Variants in CLEC16A observed in about 807,000 individuals in gnomAD.
The protein encoded by CLEC16A is C-type lectin domain containing 16A.
CLEC16A carries 51 observed loss-of-function variants against 109.5 expected under a neutral mutation model. The ratio of observed to expected loss-of-function variants is 0.47; its 90% CI spans 0.37 to 0.59. The LOEUF is 0.59. Ranked by LOEUF, CLEC16A falls within the 20% of genes least tolerant of loss-of-function variation. The pLI is 0.00. For missense variants in CLEC16A, 1,339 were observed against 1,394.0 expected (o/e 0.96, Z 0.63); for synonymous variants, 673 against 564.2 (o/e 1.19, Z -2.73).
intron 22 of CLEC16A, among the ~76,000 whole-genome samples, chr16:11,141,403 CA>C (rs757665211): frequency 2.6e-5 from 4 of 152,180 alleles, no homozygotes; most frequent in Non-Finnish European, 4.4e-5. Flanking sequence ...ACCATGGGGC[CA>C]GGGGGATACC....
At chr16:11,055,339 A>C (rs2048154967) in intron 18 of CLEC16A, among the ~76,000 whole-genome samples, 1 of 152,144 alleles carries the variant, frequency 6.6e-6, no homozygotes, top group Non-Finnish European at 1.5e-5. Flanking sequence ...TGCAGAGTTG[A>C]CATCTGAGCT....
rs140782653 is a variant in CLEC16A at position 10,960,773 on chromosome 16, A to G, written c.210-1682A>G. Among the ~76,000 whole-genome samples, 14 of 152,284 alleles carry G rather than the reference A, an allele frequency of 9.2e-5. No homozygotes were observed. The East Asian group carries it at 2.7e-3, about 29-fold the overall frequency. ...TTTATGCAGTCATTTGCTTATATTAATATGGACTCGTGGATATTTATTTAT... is the reference window on the plus strand; with the variant it reads ...TTTATGCAGTCATTTGCTTATATTAGTATGGACTCGTGGATATTTATTTAT... On this transcript the variant is annotated intron_variant, in intron 2 of 23. Transcript: ENST00000409790.
At chr16:11,131,521 G>A (rs760829436) in intron 22 of CLEC16A, among the ~76,000 whole-genome samples, 54 of 152,218 alleles carry the variant, frequency 3.5e-4, no homozygotes, top group Non-Finnish European at 6.3e-4. Context: ...ACCCTGGTGG[G>A]TTGGTGGGTG....
Position 11,096,804 on chromosome 16 carries a change from G to T in CLEC16A, c.2117-23811G>T, listed in dbSNP as rs192331034. On this transcript the variant is annotated intron_variant, in intron 19 of 23. Transcript: ENST00000409790. The stretch of plus-strand genomic sequence containing the variant: ...ATATTTTGTCCATGTACGTAATCAT[G>T]TCTTCTATGAAAGATGATGCTGATT... Among the ~76,000 whole-genome samples, 6 of 152,278 alleles carry T rather than the reference G, an allele frequency of 3.9e-5. No homozygotes were observed. In the East Asian group the frequency reaches 1.2e-3, roughly 29 times the overall value.
At chr16:11,037,508 CAAGAA>C (rs1025183235) in intron 13 of CLEC16A, among the ~76,000 whole-genome samples, 1 of 152,192 alleles carries the variant, frequency 6.6e-6, no homozygotes, top group Admixed American at 6.5e-5. Flanking sequence ...TTCTTCCTGT[CAAGAA>C]AAGAGCTTGC....
chr16:10,963,062 ACAAC>A (rs2042329977), intron 3 of CLEC16A, among the ~76,000 whole-genome samples: 1 of 151,572 alleles, frequency 6.6e-6, no homozygotes, highest in Non-Finnish European at 1.5e-5. Context: ...GTCTCCAACA[ACAAC>A]AAAAAAAAAA....
intron 1 of CLEC16A, among the ~76,000 whole-genome samples, chr16:10,957,135 G>T (rs1223872711): frequency 6.6e-6 from 1 of 152,170 alleles, no homozygotes; most frequent in African/African-American, 2.4e-5. Flanking sequence ...TCTGTTCTCA[G>T]CAAATAAGAC....
chr16:10,975,494 G>C (rs1361490045), intron 7 of CLEC16A, among the ~76,000 whole-genome samples: 2 of 152,148 alleles, frequency 1.3e-5, no homozygotes. Flanking sequence ...TATACCATTA[G>C]AGAAAATGTT....
At chr16:11,073,804 A>C (rs2049200709) in intron 19 of CLEC16A, among the ~76,000 whole-genome samples, 1 of 152,256 alleles carries the variant, frequency 6.6e-6, no homozygotes. Context: ...CACATAGTAG[A>C]CACTCAAGGC....
At chr16:11,135,172 T>C (rs892049510) in intron 22 of CLEC16A, among the ~76,000 whole-genome samples, 2 of 152,220 alleles carry the variant, frequency 1.3e-5, no homozygotes, top group African/African-American at 4.8e-5. Flanking sequence ...GAGATCAGCC[T>C]TCAAGTGGTG....
intron 22 of CLEC16A, among the ~76,000 whole-genome samples, chr16:11,153,189 G>A (rs937773731): frequency 4.6e-5 from 7 of 152,156 alleles, no homozygotes; most frequent in African/African-American, 1.7e-4. Flanking sequence ...CTTCCTGGAT[G>A]GGTTCTGTAA....
At chr16:11,035,015 C>T (rs938821035) in intron 13 of CLEC16A, among the ~76,000 whole-genome samples, 4 of 152,146 alleles carry the variant, frequency 2.6e-5, no homozygotes, top group African/African-American at 9.7e-5. Context: ...TGACATTGAC[C>T]TTAGCCACTC....
intron 19 of CLEC16A, among the ~76,000 whole-genome samples, chr16:11,065,599 A>G (rs1339474170): frequency 2.0e-5 from 3 of 152,232 alleles, no homozygotes; most frequent in Non-Finnish European, 4.4e-5. Context: ...AGGTAGGTTA[A>G]GTAAATGCAT....
chr16:10,947,107 G>A (rs917441653), intron 1 of CLEC16A, among the ~76,000 whole-genome samples: 1 of 152,230 alleles, frequency 6.6e-6, no homozygotes, highest in African/African-American at 2.4e-5. Context: ...ATGTCTATCG[G>A]ATGCTTCTTT....
intron 11 of CLEC16A, among the ~76,000 whole-genome samples, chr16:11,019,094 T>A (rs1169220228): frequency 1.3e-5 from 2 of 152,120 alleles, no homozygotes; most frequent in Admixed American, 1.3e-4. Context: ...TTCACATCCC[T>A]CTGGAAACAG....
intron 15 of CLEC16A, 135 bp downstream of exon 15, chr16:11,042,498 C>T: frequency 1.6e-6 from 1 of 629,468 alleles, no homozygotes; most frequent in South Asian, 2.0e-5. Flanking sequence ...GCAGGGGCTG[C>T]TCTCTTGAGA....
At chr16:11,064,592 C>T (rs1366654806) in intron 19 of CLEC16A, among the ~76,000 whole-genome samples, 9 of 152,096 alleles carry the variant, frequency 5.9e-5, no homozygotes, top group African/African-American at 1.4e-4. Flanking sequence ...GCCTGAGCAA[C>T]GTAGTGAGAC....
chr16:10,957,863 C>T lies in CLEC16A; in HGVS notation c.162C>T (p.Ile54=). ...TGCTAGTGGAGACCATCCGTTCCAT[C>T]ACTGAGATCCTGATCTGGGGAGATC... ...RNLLVETIRS[I]TEILIWGDQN... The change falls in exon 2 of 24, where the codon ATC becomes ATT. Residue 54 remains isoleucine, a synonymous_variant. Coordinates refer to ENST00000409790, the MANE Select transcript of CLEC16A (RefSeq NM_015226.3). 1.2e-6 allele frequency: 2 copies of T among 1,613,868 alleles called. No individual in the cohort carries two copies. The highest frequency in any genetic ancestry group is 1.7e-6 in the Non-Finnish European group (2 of 1,179,756).
At chr16:11,142,356 G>A (rs931362422) in intron 22 of CLEC16A, among the ~76,000 whole-genome samples, 10 of 152,212 alleles carry the variant, frequency 6.6e-5, no homozygotes, top group African/African-American at 2.4e-4. Context: ...CCTCACATGC[G>A]TGGCTCCTGG....
Sources: gnomAD v4.1 joint callset for allele counts (sites outside exome capture counted in the v4.1 genomes callset) on GRCh38, gnomAD v4.1.1 for gene constraint, MANE v1.5 for transcripts, NCBI Gene and HGNC (gene_info 2026-07-23, HGNC 2026-07-21) for gene names.